Variants in IARS2 observed in about 807,000 individuals in gnomAD.
IARS2 encodes the protein isoleucine--tRNA ligase, mitochondrial.
IARS2 carries 56 observed loss-of-function variants against 126.3 expected under a neutral mutation model. The ratio of observed to expected loss-of-function variants is 0.44; its 90% CI spans 0.36 to 0.55. The LOEUF (loss-of-function observed/expected upper bound fraction) is 0.55. Among genes scored for constraint, IARS2 ranks in the 20% least tolerant of loss-of-function variants. The pLI, the probability that IARS2 is intolerant of heterozygous loss-of-function variation, is 0.00. For synonymous variants in IARS2, 407 were observed against 441.1 expected (o/e 0.92, Z 0.97); for missense variants, 1,127 against 1,245.9 (o/e 0.90, Z 1.44).
rs748040726 is a variant in IARS2 at position 220,138,046 on chromosome 1, T to C, written c.2175+3T>C. 1.2e-6 allele frequency: 2 copies of C among 1,613,846 alleles called. No homozygotes were observed. Among genetic ancestry groups the C allele is most frequent in the Middle Eastern group, 1.7e-4 (1 of 6,048 alleles). ...CTGCCAGAGATGATATTAGCAAGGT[T>C]AGAACTATTATTCTTCCTATTTCTA... On this transcript the variant is annotated splice_donor_region_variant and intron_variant, in intron 17 of 22. Transcript: ENST00000366922.
intron 15 of IARS2, among the ~76,000 whole-genome samples, chr1:220,135,833 T>TA (rs1657362686): frequency 6.7e-6 from 1 of 149,210 alleles, no homozygotes; most frequent in Non-Finnish European, 1.5e-5. Context: ...TTTTTTTTTT[T>TA]AGTGAGTTAT....
chr1:220,127,808 C>T (rs1657183903), intron 14 of IARS2, among the ~76,000 whole-genome samples: 1 of 152,154 alleles, frequency 6.6e-6, no homozygotes, highest in African/African-American at 2.4e-5. Flanking sequence ...CATGTTTACT[C>T]TCTATTACAA....
intron 14 of IARS2, among the ~76,000 whole-genome samples, chr1:220,131,373 T>A (rs955835340): frequency 6.6e-6 from 1 of 151,674 alleles, no homozygotes; most frequent in Non-Finnish European, 1.5e-5. Flanking sequence ...TTTTTTGAGA[T>A]GGAGTTTCAC....
intron 12 of IARS2, among the ~76,000 whole-genome samples, chr1:220,116,291 A>G (rs1208880111): frequency 1.3e-5 from 2 of 152,146 alleles, no homozygotes; most frequent in Admixed American, 6.6e-5. Context: ...ACAGTGAACA[A>G]GACTGACATG....
intron 12 of IARS2, among the ~76,000 whole-genome samples, 157 bp from the exon 13 acceptor site, chr1:220,125,080 A>AT (rs1384215819): frequency 1.3e-5 from 2 of 152,240 alleles, no homozygotes; most frequent in African/African-American, 4.8e-5. Flanking sequence ...TGTATAATCA[A>AT]TTTTTTATTT....
intron 14 of IARS2, among the ~76,000 whole-genome samples, chr1:220,128,365 T>C (rs1318852831): frequency 6.6e-6 from 1 of 152,190 alleles, no homozygotes; most frequent in Non-Finnish European, 1.5e-5. Flanking sequence ...CACAAATACA[T>C]ACCATGTGCT....
At chr1:220,141,606 G>A (rs961445373) in intron 19 of IARS2, among the ~76,000 whole-genome samples, 197 bp from the exon 20 acceptor site, 1 of 152,192 alleles carries the variant, frequency 6.6e-6, no homozygotes, top group East Asian at 1.9e-4. Context: ...AGATAGCGTA[G>A]CCATGAGTGC....
At chr1:220,109,683 A>G (rs1225608282) in intron 10 of IARS2, among the ~76,000 whole-genome samples, 1 of 152,146 alleles carries the variant, frequency 6.6e-6, no homozygotes, top group Non-Finnish European at 1.5e-5. Flanking sequence ...ATCCTCCTCT[A>G]AGAACACCAG....
rs1309246432 is a variant in IARS2, at chr1:220,114,371, A to G, written c.1537A>G (p.Met513Val). 3 of 1,614,070 alleles carry G rather than the reference A, an allele frequency of 1.9e-6. No homozygotes were observed. Among genetic ancestry groups the G allele is most frequent in the Admixed American group, 1.7e-5 (1 of 60,032 alleles). The change falls in exon 12 of 23, where the codon ATG (methionine) becomes GTG (valine). Residue 513 changes from methionine to valine, a missense_variant. Transcript: ENST00000366922. ...ATCAGCACTGAATGGCATGGTTGAA[A>G]TGATGGACAGGCGGCCATATTGGTG... is the stretch of plus-strand genomic sequence containing the variant. ...PGSALNGMVE[M>V]MDRRPYWCIS... is the part of the protein sequence containing the mutation.
chr1:220,099,435 A>G (rs1656520342), intron 2 of IARS2, among the ~76,000 whole-genome samples: 1 of 152,216 alleles, frequency 6.6e-6, no homozygotes, highest in African/African-American at 2.4e-5. Context: ...CATGTTTGAA[A>G]TCAGGTATAT....
chr1:220,139,472 G>A (rs73098528), intron 18 of IARS2, among the ~76,000 whole-genome samples: 7,397 of 152,234 alleles, frequency 0.049, 201 homozygotes, highest in African/African-American at 0.072. Context: ...TTTTCTGGCT[G>A]GGTGTGGAAA....
At chr1:220,112,826 T>C (rs1191929966) in intron 11 of IARS2, among the ~76,000 whole-genome samples, 1 of 152,086 alleles carries the variant, frequency 6.6e-6, no homozygotes, top group African/African-American at 2.4e-5. Flanking sequence ...CTCAGAGTGC[T>C]GTAATTACAG....
rs772277107 is a variant in IARS2 at position 220,100,604 on chromosome 1, G to T, written c.505G>T (p.Gly169Cys). ...TGAAATAAAAGTATTATCAGAACTT[G>T]GTAGAGAAGCTCAGAATCTTTCAGC... Reference protein sequence around the residue: ...PIEIKVLSELGREAQNLSAME... With the variant: ...PIEIKVLSELCREAQNLSAME... The change falls in exon 3 of 23, where the codon GGT (glycine) becomes TGT (cysteine). Residue 169 changes from glycine to cysteine, a missense_variant. Coordinates refer to ENST00000366922, the MANE Select transcript of IARS2 (RefSeq NM_018060.4). 1.2e-6 allele frequency: 2 copies of T among 1,611,816 alleles called. No individual in the cohort carries two copies. Among genetic ancestry groups the T allele is most frequent in the South Asian group, 2.2e-5 (2 of 90,734 alleles).
intron 20 of IARS2, 51 bp from the exon 21 acceptor site, chr1:220,142,893 A>G: frequency 7.6e-7 from 1 of 1,317,448 alleles, no homozygotes; most frequent in Non-Finnish European, 1.0e-6. Context: ...AGAGCTTCAT[A>G]TACAGTTTAG....
At chr1:220,144,504 T>C (rs1657552152) in intron 21 of IARS2, among the ~76,000 whole-genome samples, 1 of 152,210 alleles carries the variant, frequency 6.6e-6, no homozygotes, top group South Asian at 2.1e-4. Flanking sequence ...TTGAAATAGC[T>C]AGTAGGTATA....
At position 220,141,891 on chromosome 1, in the gene IARS2, G is replaced by T. The variant is rs1168847992; in HGVS notation, c.2503G>T (p.Ala835Ser). The T allele has an allele frequency of 6.2e-7, 1 of 1,614,092 alleles. No homozygotes were observed. The highest frequency in any genetic ancestry group is 1.3e-5 in the African/African-American group (1 of 75,022). ...EILDVIVRSFAPILPHLAEEV... is the reference protein window; with the variant it reads ...EILDVIVRSFSPILPHLAEEV... ...TTTGGATGTAATAGTTCGTTCTTTT[G>T]CTCCCATTCTTCCTCACCTGGCTGA... The change falls in exon 20 of 23, where the codon GCT (alanine) becomes TCT (serine). Residue 835 changes from alanine (A) to serine (S), a missense_variant. Ala to Ser is a moderately conservative substitution (Grantham distance 99). Coordinates refer to ENST00000366922, the MANE Select transcript of IARS2 (RefSeq NM_018060.4).
chr1:220,138,521 GTAA>G (rs1385017415), intron 17 of IARS2, among the ~76,000 whole-genome samples: 1 of 151,704 alleles, frequency 6.6e-6, no homozygotes, highest in Admixed American at 6.6e-5. Flanking sequence ...AACATTGGTA[GTAA>G]TACCAGTAAT....
chr1:220,099,323 G>GTA (rs1482919697), intron 2 of IARS2, among the ~76,000 whole-genome samples: 4 of 151,652 alleles, frequency 2.6e-5, no homozygotes, highest in Non-Finnish European at 5.9e-5. Flanking sequence ...AGAAACAAGT[G>GTA]AAATTAATTT....
At chr1:220,102,815 T>G (rs1443862952) in intron 7 of IARS2, 38 bp downstream of exon 7, 2 of 1,074,088 alleles carry the variant, frequency 1.9e-6, no homozygotes, top group Non-Finnish European at 2.9e-6. Flanking sequence ...TATACACAAA[T>G]AGAATGTATT....
Sources: allele counts gnomAD v4.1 joint callset (sites outside exome capture counted in the v4.1 genomes callset), GRCh38; gene constraint gnomAD v4.1.1; transcripts MANE v1.5; gene names NCBI Gene and HGNC (gene_info 2026-07-23, HGNC 2026-07-21).